MCC: variants seen among roughly 807,000 people sequenced by gnomAD.
MCC encodes colorectal mutant cancer protein.
MCC carries 90 observed loss-of-function variants against 116.2 expected under a neutral mutation model. The observed-to-expected ratio is 0.77, with a 90% CI of 0.65 to 0.92. The LOEUF (loss-of-function observed/expected upper bound fraction) is 0.92, where lower values mean the gene tolerates loss of function less well. Among genes scored for constraint, MCC ranks in the 40% least tolerant of loss-of-function variants. The probability of loss-of-function intolerance (pLI) is 0.00; values close to 1 mark genes in which losing one functional copy is unlikely to be tolerated. For missense variants in MCC, 1,516 were observed against 1,312.2 expected (o/e 1.16, Z -2.40); for synonymous variants, 578 against 510.5 (o/e 1.13, Z -1.78).
intron 5 of MCC, among the ~76,000 whole-genome samples, chr5:113,134,489 G>A (rs1039291073): frequency 6.9e-6 from 1 of 145,720 alleles, no homozygotes; most frequent in Non-Finnish European, 1.5e-5. Flanking sequence ...AGCATAATTT[G>A]AACTCAAGTA....
intron 14 of MCC, among the ~76,000 whole-genome samples, chr5:113,054,860 CG>C (rs1383251421): frequency 6.6e-6 from 1 of 152,204 alleles, no homozygotes; most frequent in African/African-American, 2.4e-5. Flanking sequence ...CACTGGAAAA[CG>C]GAGGCCACGG....
In MCC at chr5:113,034,929, T is replaced by C. The variant is rs548277245; in HGVS notation, c.2757-5873A>G. 2.0e-4 allele frequency among the ~76,000 whole-genome samples: 31 copies of C among 152,272 alleles called. No individual in the cohort carries two copies. The South Asian group carries it at 4.8e-3, about 23-fold the overall frequency. On this transcript the variant is annotated intron_variant, in intron 17 of 18. Transcript: ENST00000408903. The stretch of plus-strand genomic sequence containing the variant: ...CTTTCTATACTCCATGACAAAATAC[T>C]GGGTGTTGTTTAGGACTTGGGCCTG...
intron 3 of MCC, among the ~76,000 whole-genome samples, chr5:113,188,157 T>G (rs577219461): frequency 6.6e-6 from 1 of 152,318 alleles, no homozygotes; most frequent in Non-Finnish European, 1.5e-5. Context: ...GAATATAGCC[T>G]ATATCAATGC....
chr5:113,317,859 T>C (rs1021798725), intron 3 of MCC, among the ~76,000 whole-genome samples: 3 of 152,212 alleles, frequency 2.0e-5, no homozygotes, highest in African/African-American at 7.2e-5. Flanking sequence ...TTCCAGACCA[T>C]TTTGTGAATA....
At chr5:113,105,725 C>A (rs920242025) in intron 6 of MCC, among the ~76,000 whole-genome samples, 2 of 152,230 alleles carry the variant, frequency 1.3e-5, no homozygotes, top group African/African-American at 2.4e-5. Flanking sequence ...CATCTCTCAA[C>A]TGGACCACTG....
chr5:113,044,495 G>A (rs530376124), intron 16 of MCC: 21 of 983,820 alleles, frequency 2.1e-5, no homozygotes, highest in East Asian at 1.1e-4. Flanking sequence ...ATCTCTCAAC[G>A]GACATGAGTG....
At chr5:113,052,561 C>T (rs1348973206) in intron 15 of MCC, among the ~76,000 whole-genome samples, 1 of 152,220 alleles carries the variant, frequency 6.6e-6, no homozygotes, top group East Asian at 1.9e-4. Flanking sequence ...CTCCCAAGGA[C>T]AGGGCTGTGC....
At chr5:113,199,761 G>A (rs115068722) in intron 3 of MCC, among the ~76,000 whole-genome samples, 2,811 of 152,250 alleles carry the variant, frequency 0.018, 94 homozygotes, top group African/African-American at 0.063. Flanking sequence ...GCCAAGGAGA[G>A]AGAACAATGC....
intron 1 of MCC, among the ~76,000 whole-genome samples, chr5:113,420,895 G>A (rs1049573873): frequency 6.6e-6 from 1 of 152,112 alleles, no homozygotes; most frequent in Non-Finnish European, 1.5e-5. Flanking sequence ...GGAATCAAAG[G>A]ATTCTAAGCA....
At chr5:113,294,994 G>A (rs950423383) in intron 3 of MCC, 91 of 984,136 alleles carry the variant, frequency 9.2e-5, no homozygotes, top group Non-Finnish European at 9.8e-5. Flanking sequence ...GTGCGCGGAG[G>A]AGGCGGGGCT....
intron 3 of MCC, among the ~76,000 whole-genome samples, chr5:113,327,586 A>ATATATATATATATATATATATATAT (rs1561525256): frequency 3.5e-5 from 4 of 113,058 alleles, no homozygotes; most frequent in Non-Finnish European, 7.0e-5. Context: ...ATATATATAT[A>ATATATATATATATATATATATATAT]AAAATCTCAT....
In MCC at chr5:113,352,706, A is replaced by C. The variant is rs1768306857; in HGVS notation, c.416-11976T>G. Among the ~76,000 whole-genome samples the C allele has an allele frequency of 2.3e-5, 3 of 129,698 alleles. No homozygotes were observed. In the South Asian group the frequency reaches 7.0e-4, roughly 30 times the overall value. The allele number at this position is 129,698 out of a possible 152,430, so 85.1% of individuals were successfully genotyped here. ...AGGGTTCATGAATGCACTCTCTCAA[A>C]TTTCACTTTTATCAGATCTATAGTA... On this transcript the variant is annotated intron_variant, in intron 2 of 18. Coordinates refer to ENST00000408903, the MANE Select transcript of MCC (RefSeq NM_001085377.2).
chr5:113,179,851 G>A (rs903983359), intron 3 of MCC, among the ~76,000 whole-genome samples: 1 of 152,190 alleles, frequency 6.6e-6, no homozygotes, highest in African/African-American at 2.4e-5. Flanking sequence ...ACACACCTGT[G>A]TCCAAATTTC....
At chr5:113,208,466 GC>G (rs893883413) in intron 3 of MCC, among the ~76,000 whole-genome samples, 4 of 152,146 alleles carry the variant, frequency 2.6e-5, no homozygotes, top group African/African-American at 7.2e-5. Context: ...TTGGGATGCT[GC>G]CCCGTATAAA....
At position 113,027,399 on chromosome 5, in the gene MCC, A is replaced by C; in HGVS notation, c.2963T>G (p.Val988Gly). 2 of 1,614,050 alleles carry C rather than the reference A, an allele frequency of 1.2e-6. No homozygotes were observed. Among genetic ancestry groups the C allele is most frequent in the Non-Finnish European group, 1.7e-6 (2 of 1,179,986 alleles). The change falls in exon 19 of 19, where the codon GTG becomes GGG. Residue 988 changes from valine to glycine, a missense_variant. Transcript: ENST00000408903. ...CCTCACTTGGGTCTCATGTCTCTCCACCATGGCCATCATCTGCGACTCTAA... is the reference window on the plus strand; with the variant it reads ...CCTCACTTGGGTCTCATGTCTCTCCCCCATGGCCATCATCTGCGACTCTAA... Reference protein sequence around the residue: ...KKLESQMMAMVERHETQVRML... With the variant: ...KKLESQMMAMGERHETQVRML...
intron 3 of MCC, among the ~76,000 whole-genome samples, chr5:113,187,753 T>C (rs1225877359): frequency 9.2e-4 from 15 of 16,246 alleles, no homozygotes; most frequent in African/African-American, 2.0e-3. Context: ...AGACTCCAAC[T>C]CAAAAAAAAA....
intron 6 of MCC, among the ~76,000 whole-genome samples, chr5:113,118,517 G>A (rs1757527067): frequency 6.6e-6 from 1 of 152,192 alleles, no homozygotes; most frequent in Admixed American, 6.5e-5. Context: ...GGACTCTGAT[G>A]GGTGGTTATG....
At chr5:113,333,717 A>G (rs191898094) in intron 3 of MCC, among the ~76,000 whole-genome samples, 25 of 147,092 alleles carry the variant, frequency 1.7e-4, no homozygotes, top group Admixed American at 1.4e-3. Context: ...GAAACAGTGC[A>G]CTTCCCCACA....
At chr5:113,077,516 A>T (rs997224291) in intron 11 of MCC, among the ~76,000 whole-genome samples, 3 of 152,182 alleles carry the variant, frequency 2.0e-5, no homozygotes, top group Admixed American at 6.5e-5. Flanking sequence ...TCAAAACTGC[A>T]TAACTACATG....
Sources: allele counts gnomAD v4.1 joint callset (sites outside exome capture counted in the v4.1 genomes callset), GRCh38; gene constraint gnomAD v4.1.1; transcripts MANE v1.5; gene names NCBI Gene and HGNC (gene_info 2026-07-23, HGNC 2026-07-21).